JADE3: variants seen among roughly 807,000 people sequenced by gnomAD.
JADE3 encodes protein Jade-3.
JADE3 carries 2 observed loss-of-function variants against 50.1 expected under a neutral mutation model. The ratio of observed to expected loss-of-function variants is 0.04; its 90% CI spans 0.02 to 0.13. The LOEUF is 0.13. JADE3 is among the 10% of genes least tolerant of loss of function. JADE3 has a pLI of 1.00. For synonymous variants in JADE3, 218 were observed against 232.9 expected (o/e 0.94, Z 0.58); for missense variants, 475 against 634.4 (o/e 0.75, Z 2.70).
At chrX:46,918,766 GACTT>G (rs1304030590) in intron 1 of JADE3, among the ~76,000 whole-genome samples, 3 of 112,126 alleles carry the variant, frequency 2.7e-5, no homozygotes, top group Non-Finnish European at 5.6e-5. Context: ...GGCTAGTCTG[GACTT>G]ACTAACATGG....
At chrX:46,932,131 C>G (rs1926510991) in intron 1 of JADE3, among the ~76,000 whole-genome samples, 1 of 112,405 alleles carries the variant, frequency 8.9e-6, no homozygotes, top group African/African-American at 3.2e-5. Context: ...TACAAAATAA[C>G]TAGTCCCCTG....
chrX:46,991,067 T>TCCC (rs1927989923), intron 3 of JADE3, among the ~76,000 whole-genome samples: 2 of 221 alleles, frequency 9.0e-3, no homozygotes, highest in African/African-American at 0.016. Flanking sequence ...CCTCACTCCC[T>TCCC]CCCTCCCCCC....
intron 9 of JADE3, among the ~76,000 whole-genome samples, chrX:47,055,426 CCTA>C (rs1929614707): frequency 9.0e-6 from 1 of 111,366 alleles, no homozygotes; most frequent in Non-Finnish European, 1.9e-5. Context: ...ACATATAGCA[CCTA>C]CTATTACTAT....
intron 1 of JADE3, among the ~76,000 whole-genome samples, chrX:46,944,327 C>G (rs1356457376): frequency 1.0e-5 from 1 of 99,272 alleles, no homozygotes; most frequent in Non-Finnish European, 2.0e-5. Flanking sequence ...TTTTTTGAGA[C>G]TGAGTATTGC....
intron 4 of JADE3, among the ~76,000 whole-genome samples, chrX:47,009,709 C>T (rs782576061): frequency 1.1e-4 from 12 of 107,864 alleles, no homozygotes; most frequent in Admixed American, 8.0e-4. Context: ...ACTGCAGCCT[C>T]GACCTCCCAG....
At chrX:46,929,766 G>A (rs782245781) in intron 1 of JADE3, among the ~76,000 whole-genome samples, 17 of 111,954 alleles carry the variant, frequency 1.5e-4, no homozygotes, top group Admixed American at 1.9e-4. Flanking sequence ...GTCCAAGCAT[G>A]TATTCACTAG....
At chrX:46,943,291 A>G (rs991452746) in intron 1 of JADE3, among the ~76,000 whole-genome samples, 4 of 111,786 alleles carry the variant, frequency 3.6e-5, no homozygotes, top group South Asian at 7.5e-4. Flanking sequence ...CTTAAGGGGA[A>G]TGCTTCCAGC....
chrX:47,049,060 G>A (rs1380960360), intron 8 of JADE3, among the ~76,000 whole-genome samples: 2 of 111,200 alleles, frequency 1.8e-5, no homozygotes, highest in African/African-American at 6.5e-5. Flanking sequence ...ATCACCTTCC[G>A]TGGTTACAGT....
intron 7 of JADE3, among the ~76,000 whole-genome samples, chrX:47,034,388 A>G (rs1366238877): frequency 9.0e-5 from 10 of 110,608 alleles, no homozygotes; most frequent in Non-Finnish European, 1.9e-4. Context: ...TACAGTATGT[A>G]TTTTTTTCGG....
chrX:47,008,959 A>T (rs1260047090), intron 4 of JADE3, among the ~76,000 whole-genome samples: 1 of 111,138 alleles, frequency 9.0e-6, no homozygotes, highest in Non-Finnish European at 1.9e-5. Flanking sequence ...ATATATACAC[A>T]TAGATACATT....
chrX:47,034,315 C>G (rs1291001876), intron 7 of JADE3, among the ~76,000 whole-genome samples: 2 of 111,251 alleles, frequency 1.8e-5, no homozygotes, highest in Non-Finnish European at 3.8e-5. Context: ...CTCTATCCCC[C>G]AAGAATAACC....
At chrX:46,974,813 A>G (rs1402224055) in intron 1 of JADE3, among the ~76,000 whole-genome samples, 1 of 112,282 alleles carries the variant, frequency 8.9e-6, no homozygotes, top group Non-Finnish European at 1.9e-5. Flanking sequence ...AATCAAGCTG[A>G]TCATTTCTAC....
chrX:46,996,044 C>G lies in JADE3; in HGVS notation c.127-2076C>G, dbSNP rs182934809. Among the ~76,000 whole-genome samples the G allele has an allele frequency of 3.0e-3, 338 of 112,199 alleles. 1 individual carries two copies. The highest frequency in any genetic ancestry group is 5.1e-3 in the Non-Finnish European group (270 of 53,164). On this transcript the variant is annotated intron_variant, in intron 3 of 10. Transcript: ENST00000614628. Reference sequence around the variant, plus strand: ...CCTTCGTGGAGGTTTGAGTATTTCTCTCTTTTTTTTGAGGCAGAGTCTCGC... The same window carrying G: ...CCTTCGTGGAGGTTTGAGTATTTCTGTCTTTTTTTTGAGGCAGAGTCTCGC...
At chrX:47,000,836 C>A (rs1478574982) in intron 4 of JADE3, among the ~76,000 whole-genome samples, 4 of 111,752 alleles carry the variant, frequency 3.6e-5, no homozygotes, top group Admixed American at 1.9e-4. Flanking sequence ...AATGTGTGAG[C>A]CCCCGCCCTC....
intron 4 of JADE3, among the ~76,000 whole-genome samples, chrX:47,015,707 A>C (rs1928657802): frequency 9.2e-6 from 1 of 108,335 alleles, no homozygotes; most frequent in Admixed American, 9.9e-5. Flanking sequence ...AACATCCTCA[A>C]AAGTCTCAGC....
intron 1 of JADE3, among the ~76,000 whole-genome samples, chrX:46,932,294 C>T (rs1556340067): frequency 9.0e-6 from 1 of 111,714 alleles, no homozygotes; most frequent in Non-Finnish European, 1.9e-5. Flanking sequence ...AGAGTCGAGA[C>T]CTTTTCAAGC....
intron 4 of JADE3, among the ~76,000 whole-genome samples, chrX:47,012,824 A>AT (rs1222912912): frequency 4.7e-5 from 5 of 107,388 alleles, no homozygotes; most frequent in Non-Finnish European, 5.8e-5. Context: ...GTCCAAGTTC[A>AT]TTTTTTTTTA....
intron 7 of JADE3, 69 bp downstream of exon 7, chrX:47,033,857 T>C: frequency 1.1e-6 from 1 of 912,893 alleles, no homozygotes; most frequent in Non-Finnish European, 1.5e-6. Context: ...GCATTCAGAC[T>C]GACTCAGGCT....
At chrX:46,925,266 G>T (rs1293589703) in intron 1 of JADE3, among the ~76,000 whole-genome samples, 1 of 112,078 alleles carries the variant, frequency 8.9e-6, no homozygotes, top group Non-Finnish European at 1.9e-5. Flanking sequence ...TTTGACTGTA[G>T]AAATTGCTGT....
Sources: gnomAD v4.1 joint callset for allele counts (sites outside exome capture counted in the v4.1 genomes callset) on GRCh38, gnomAD v4.1.1 for gene constraint, MANE v1.5 for transcripts, NCBI Gene and HGNC (gene_info 2026-07-23, HGNC 2026-07-21) for gene names.